Variants in F9 observed in about 807,000 individuals in gnomAD.
F9 encodes coagulation factor IX, also known as Christmas factor.
Under a neutral mutation model 34.1 loss-of-function variants are expected in F9, and 2 were observed. The ratio of observed to expected loss-of-function variants is 0.06; its 90% confidence interval spans 0.02 to 0.18. The LOEUF (loss-of-function observed/expected upper bound fraction) is 0.18. Ranked by LOEUF, F9 falls within the 10% of genes least tolerant of loss-of-function variation. The pLI, the probability that F9 is intolerant of heterozygous loss-of-function variation, is 1.00. For missense variants in F9, 216 were observed against 345.1 expected, an observed-to-expected ratio of 0.63 and a Z score of 2.96; for synonymous variants, 137 against 118.8, an observed-to-expected ratio of 1.15 and a Z score of -1.00.
chrX:139,545,520 T>G (rs1476660163), intron 4 of F9, among the ~76,000 whole-genome samples: 2 of 111,923 alleles, frequency 1.8e-5, no homozygotes, highest in Non-Finnish European at 1.9e-5. Flanking sequence ...TAATGACAAC[T>G]TTCAGCTTGG....
At chrX:139,548,799 C>T (rs1339417001) in intron 5 of F9, among the ~76,000 whole-genome samples, 1 of 111,826 alleles carries the variant, frequency 8.9e-6, no homozygotes, top group Non-Finnish European at 1.9e-5. Flanking sequence ...CAAGTCAAAT[C>T]AATGTAGTAA....
At chrX:139,537,719 A>G (rs1307926013) in intron 3 of F9, among the ~76,000 whole-genome samples, 1 of 111,340 alleles carries the variant, frequency 9.0e-6, no homozygotes, top group African/African-American at 3.3e-5. Flanking sequence ...GATTGACTTA[A>G]ATGTTTATAG....
intron 1 of F9, among the ~76,000 whole-genome samples, chrX:139,535,764 T>G: frequency 9.0e-6 from 1 of 111,617 alleles, no homozygotes; most frequent in Non-Finnish European, 1.9e-5. Context: ...AACACATGTG[T>G]GTGTATACAG....
At chrX:139,554,961 C>T (rs1162741093) in intron 6 of F9, among the ~76,000 whole-genome samples, 1 of 111,713 alleles carries the variant, frequency 9.0e-6, no homozygotes, top group Admixed American at 9.5e-5. Context: ...AATGGTTAGT[C>T]TGTTAAAGAA....
chrX:139,559,281 G>A (rs886863170), intron 6 of F9, among the ~76,000 whole-genome samples: 3 of 112,673 alleles, frequency 2.7e-5, no homozygotes, highest in Non-Finnish European at 5.6e-5. Context: ...ATGGCCGGGT[G>A]CAGTGGCTCA....
At chrX:139,551,372 T>C in intron 6 of F9, 108 bp downstream of exon 6, 1 of 712,145 alleles carries the variant, frequency 1.4e-6, no homozygotes, top group East Asian at 3.3e-5. Context: ...ATGTGAGAAG[T>C]ATTTAGGCAA....
In F9 at chrX:139,533,655, G is replaced by A. The variant is rs929790508; in HGVS notation, c.88+2803G>A. 2.7e-5 allele frequency among the ~76,000 whole-genome samples: 3 copies of A among 112,101 alleles called. No homozygotes were observed. The South Asian group carries it at 1.1e-3, about 42-fold the overall frequency. ...CATGGATATTGTGATACCTAGTACAGTGCCTGGCAGTAGTGGTTGTATGCT... is the reference window on the plus strand; with the variant it reads ...CATGGATATTGTGATACCTAGTACAATGCCTGGCAGTAGTGGTTGTATGCT... On this transcript the variant is annotated intron_variant, in intron 1 of 7. Coordinates refer to ENST00000218099, the MANE Select transcript of F9 (RefSeq NM_000133.4).
intron 1 of F9, among the ~76,000 whole-genome samples, chrX:139,535,661 T>C (rs1296507322): frequency 9.0e-6 from 1 of 111,414 alleles, no homozygotes; most frequent in Non-Finnish European, 1.9e-5. Flanking sequence ...TGCTAGACCC[T>C]TGAAGAAAGG....
chrX:139,537,027 A>G lies in F9; in HGVS notation c.106A>G (p.Asn36Asp), dbSNP rs1169714103. ...CATTTCAGTTTTTCTTGATCATGAA[A>G]ACGCCAACAAAATTCTGAATCGGCC... ...AECTVFLDHE[N>D]ANKILNRPKR... Residue 36 changes from asparagine (N) to aspartate (D), a missense_variant, in exon 2 of 8, where the codon AAC becomes GAC. Transcript: ENST00000218099. The G allele has an allele frequency of 8.3e-6, 10 of 1,206,671 alleles. No homozygotes were observed. The highest frequency in any genetic ancestry group is 1.0e-5 in the Non-Finnish European group (9 of 893,485).
intron 1 of F9, among the ~76,000 whole-genome samples, chrX:139,533,710 G>C (rs151253310): frequency 9.0e-6 from 1 of 111,571 alleles, no homozygotes; most frequent in Non-Finnish European, 1.9e-5. Flanking sequence ...GGTCAGGGCC[G>C]GACTAGACTG....
chrX:139,562,263 A>T lies in F9; in HGVS notation c.*192A>T, dbSNP rs1158083205. 9.1e-6 allele frequency: 4 copies of T among 440,188 alleles called. No individual in the cohort carries two copies. Among genetic ancestry groups the T allele is most frequent in the Non-Finnish European group, 1.5e-5 (4 of 259,123 alleles). 36.3% of individuals were successfully genotyped at this position (440,188 alleles called of 1,213,427 possible). A position where few individuals can be genotyped will look rare whatever the true frequency, so the allele number is the denominator to read the frequency against. ...TAGAAAATGGAACCACTAGAGGAAT[A>T]TAATGTGTTAGGAAATTACAGTCAT... On this transcript the variant is annotated 3_prime_UTR_variant, in exon 8 of 8. Coordinates refer to ENST00000218099, the MANE Select transcript of F9 (RefSeq NM_000133.4).
chrX:139,536,069 T>G (rs1256780977), intron 1 of F9, among the ~76,000 whole-genome samples: 1 of 108,802 alleles, frequency 9.2e-6, no homozygotes, highest in Non-Finnish European at 1.9e-5. Context: ...TGTCGTATAA[T>G]GTGGTCCATC....
In F9 at chrX:139,560,733, T is replaced by C; in HGVS notation, c.724-8T>C. 2 of 1,161,891 alleles carry C rather than the reference T, an allele frequency of 1.7e-6. No homozygotes were observed. Among genetic ancestry groups the C allele is most frequent in the South Asian group, 3.6e-5 (2 of 55,774 alleles). On this transcript the variant is annotated splice_region_variant and splice_polypyrimidine_tract_variant and intron_variant, in intron 6 of 7. Transcript: ENST00000218099. Reference sequence around the variant, plus strand: ...TATGCAGTAAGAGTCTTAATTTTGTTTTCACAGGTTGTTTTGAATGGTAAA... The same window carrying C: ...TATGCAGTAAGAGTCTTAATTTTGTCTTCACAGGTTGTTTTGAATGGTAAA...
At chrX:139,544,235 A>G (rs1221827469) in intron 4 of F9, among the ~76,000 whole-genome samples, 1 of 112,106 alleles carries the variant, frequency 8.9e-6, no homozygotes, top group Non-Finnish European at 1.9e-5. Flanking sequence ...AACACTTTCT[A>G]CAGGTAATGT....
At chrX:139,550,992 A>T in intron 5 of F9, 70 bp from the exon 6 acceptor site, 1 of 1,015,092 alleles carries the variant, frequency 9.9e-7, no homozygotes. Context: ...CTCAATCTCA[A>T]TTTTTGTAAT....
Position 139,556,648 on chromosome X carries a change from G to A in F9, c.724-4093G>A, listed in dbSNP as rs752111940. Among the ~76,000 whole-genome samples the A allele has an allele frequency of 3.6e-5, 4 of 112,294 alleles. No homozygotes were observed. In the South Asian group the frequency reaches 1.5e-3, roughly 42 times the overall value. On this transcript the variant is annotated intron_variant, in intron 6 of 7. Coordinates refer to ENST00000218099, the MANE Select transcript of F9 (RefSeq NM_000133.4). Reference sequence around the variant, plus strand: ...AAATTCAATTAAGAGAAATAAGAACGTGACATGTGTAATCGCACCTGGCTC... The same window carrying A: ...AAATTCAATTAAGAGAAATAAGAACATGACATGTGTAATCGCACCTGGCTC...
intron 3 of F9, among the ~76,000 whole-genome samples, chrX:139,540,130 G>A (rs1221024932): frequency 9.0e-6 from 1 of 110,979 alleles, no homozygotes; most frequent in Non-Finnish European, 1.9e-5. Context: ...CTAGTTCAAA[G>A]TGCCTACCAT....
chrX:139,538,105 C>A (rs968777960), intron 3 of F9, among the ~76,000 whole-genome samples: 4 of 111,878 alleles, frequency 3.6e-5, no homozygotes, highest in Non-Finnish European at 3.8e-5. Flanking sequence ...CAGAGCTTTT[C>A]ACCATCTAAT....
Position 139,537,392 on chromosome X carries a change from C to G in F9, c.277+6C>G. ...ATTTTGGAAGCAGTATGTTGGTAAG[C>G]AATTCATTTTATCCTCTAGCTAATA... On this transcript the variant is annotated splice_donor_region_variant and intron_variant, in intron 3 of 7. Coordinates refer to ENST00000218099, the MANE Select transcript of F9 (RefSeq NM_000133.4). 1 of 1,177,306 alleles carries G rather than the reference C, an allele frequency of 8.5e-7. No individual in the cohort carries two copies. Among genetic ancestry groups the G allele is most frequent in the Non-Finnish European group, 1.2e-6 (1 of 864,924 alleles).
Sources: gnomAD v4.1 joint callset for allele counts (sites outside exome capture counted in the v4.1 genomes callset) on GRCh38, gnomAD v4.1.1 for gene constraint, MANE v1.5 for transcripts, NCBI Gene and HGNC (gene_info 2026-07-23, HGNC 2026-07-21) for gene names.